Variants in GPC5 observed in about 807,000 individuals in gnomAD.
GPC5 encodes the protein glypican-5.
In GPC5, 47 loss-of-function variants were observed where a neutral mutation model predicts 53.9. The ratio of observed to expected loss-of-function variants is 0.87; its 90% confidence interval spans 0.69 to 1.11. The LOEUF is 1.11. Ranked by LOEUF, GPC5 falls within the 50% of genes most tolerant of loss-of-function variation. GPC5 has a pLI of 0.00. For synonymous variants in GPC5, 286 were observed against 263.3 expected (o/e 1.09, Z -0.84); for missense variants, 748 against 713.1 (o/e 1.05, Z -0.56).
chr13:91,409,492 A>G (rs973702295), intron 1 of GPC5, among the ~76,000 whole-genome samples: 37 of 152,226 alleles, frequency 2.4e-4, no homozygotes, highest in African/African-American at 8.4e-4. Flanking sequence ...AAAAAACTTC[A>G]GGTTTTAAAA....
At chr13:91,949,176 A>G (rs545729667) in intron 6 of GPC5, among the ~76,000 whole-genome samples, 14 of 152,148 alleles carry the variant, frequency 9.2e-5, no homozygotes, top group South Asian at 6.2e-4. Context: ...TCACTGCCCT[A>G]TTGCCTTCAG....
At chr13:91,890,799 A>C (rs1348613227) in intron 5 of GPC5, among the ~76,000 whole-genome samples, 1 of 152,176 alleles carries the variant, frequency 6.6e-6, no homozygotes, top group Non-Finnish European at 1.5e-5. Flanking sequence ...TGATAAATCA[A>C]ATGATTTTTA....
intron 7 of GPC5, among the ~76,000 whole-genome samples, chr13:92,771,204 G>A (rs1238300674): frequency 1.3e-5 from 2 of 152,134 alleles, no homozygotes; most frequent in African/African-American, 2.4e-5. Flanking sequence ...CTGTTGGGGA[G>A]TGAGAAGAGC....
At chr13:92,518,690 A>G (rs561766729) in intron 7 of GPC5, among the ~76,000 whole-genome samples, 1 of 152,228 alleles carries the variant, frequency 6.6e-6, no homozygotes, top group Admixed American at 6.5e-5. Flanking sequence ...AATTGTAAAG[A>G]CCATCGAGGC....
At chr13:92,668,801 A>C (rs1594403410) in intron 7 of GPC5, among the ~76,000 whole-genome samples, 1 of 152,066 alleles carries the variant, frequency 6.6e-6, no homozygotes, top group Admixed American at 6.5e-5. Flanking sequence ...TTATCCAAAA[A>C]TTGTTATAAT....
At chr13:91,652,991 C>T (rs1480516279) in intron 2 of GPC5, among the ~76,000 whole-genome samples, 1 of 152,194 alleles carries the variant, frequency 6.6e-6, no homozygotes, top group Non-Finnish European at 1.5e-5. Flanking sequence ...AACCTGCTGA[C>T]ACTCAATAGG....
intron 2 of GPC5, among the ~76,000 whole-genome samples, chr13:91,612,639 G>A (rs923866874): frequency 2.0e-5 from 3 of 152,140 alleles, no homozygotes; most frequent in Non-Finnish European, 4.4e-5. Context: ...TGATATTAGA[G>A]AGTTATGAAC....
At chr13:91,943,828 A>G (rs1818174858) in intron 6 of GPC5, among the ~76,000 whole-genome samples, 1 of 152,148 alleles carries the variant, frequency 6.6e-6, no homozygotes, top group Admixed American at 6.5e-5. Flanking sequence ...GAATGCCTCT[A>G]AATCTGCATT....
At chr13:91,985,282 A>G (rs1413748447) in intron 6 of GPC5, among the ~76,000 whole-genome samples, 1 of 151,130 alleles carries the variant, frequency 6.6e-6, no homozygotes, top group Non-Finnish European at 1.5e-5. Flanking sequence ...TCCTTGCTTA[A>G]TGTTTGCTTG....
chr13:92,505,783 G>A (rs1434794731), intron 7 of GPC5, among the ~76,000 whole-genome samples: 1 of 152,084 alleles, frequency 6.6e-6, no homozygotes, highest in Admixed American at 6.6e-5. Context: ...CAATTAAAAT[G>A]TGTGCATTAT....
chr13:92,293,433 T>C (rs1019797363), intron 7 of GPC5, among the ~76,000 whole-genome samples: 1 of 145,566 alleles, frequency 6.9e-6, no homozygotes, highest in Non-Finnish European at 1.5e-5. Flanking sequence ...TTTTTTTTTT[T>C]TTTTTTTTTT....
At chr13:92,092,487 C>T (rs1238106091) in intron 6 of GPC5, among the ~76,000 whole-genome samples, 2 of 152,148 alleles carry the variant, frequency 1.3e-5, no homozygotes, top group Non-Finnish European at 2.9e-5. Flanking sequence ...CACTGGACAA[C>T]ATTGAAGTAG....
At chr13:92,385,435 T>TACATATATACATATATACATATATAC (rs1566567447) in intron 7 of GPC5, among the ~76,000 whole-genome samples, 5 of 81,766 alleles carry the variant, frequency 6.1e-5, no homozygotes, top group African/African-American at 2.3e-4. Context: ...TATACATATA[T>TACATATATACATATATACATATATAC]ACATATATAC....
intron 2 of GPC5, among the ~76,000 whole-genome samples, chr13:91,588,530 T>TG (rs1293028107): frequency 3.9e-5 from 6 of 152,122 alleles, no homozygotes; most frequent in African/African-American, 1.4e-4. Flanking sequence ...CCTCTACAGG[T>TG]GATGTATTCT....
chr13:92,560,449 C>T (rs544051681), intron 7 of GPC5, among the ~76,000 whole-genome samples: 27 of 151,972 alleles, frequency 1.8e-4, no homozygotes, highest in Non-Finnish European at 3.2e-4. Context: ...GCAGATAAAC[C>T]AGAAAGTCTC....
At chr13:91,923,153 A>G (rs1016840423) in intron 6 of GPC5, among the ~76,000 whole-genome samples, 2 of 152,098 alleles carry the variant, frequency 1.3e-5, no homozygotes, top group African/African-American at 4.8e-5. Context: ...CTCTCTAATC[A>G]TCTTTTAGAG....
At chr13:92,114,565 C>A (rs528188301) in intron 6 of GPC5, among the ~76,000 whole-genome samples, 1 of 152,302 alleles carries the variant, frequency 6.6e-6, no homozygotes, top group Non-Finnish European at 1.5e-5. Flanking sequence ...GAAAACCCTA[C>A]AATGCTGTGA....
chr13:91,761,527 C>T (rs922020975), intron 5 of GPC5, among the ~76,000 whole-genome samples: 1 of 152,144 alleles, frequency 6.6e-6, no homozygotes, highest in African/African-American at 2.4e-5. Flanking sequence ...GAACTTCTGA[C>T]CAACTGGCTT....
At chr13:91,947,092 C>T (rs1265908227) in intron 6 of GPC5, among the ~76,000 whole-genome samples, 2 of 152,034 alleles carry the variant, frequency 1.3e-5, no homozygotes, top group African/African-American at 4.8e-5. Context: ...CACAGAAGAA[C>T]CCTTTAGTAT....
Sources: gnomAD v4.1 joint callset for allele counts (sites outside exome capture counted in the v4.1 genomes callset) on GRCh38, gnomAD v4.1.1 for gene constraint, MANE v1.5 for transcripts, NCBI Gene and HGNC (gene_info 2026-07-23, HGNC 2026-07-21) for gene names.